The following CD8A variants were observed in gnomAD, a reference collection of about 807,000 sequenced individuals.
The protein encoded by CD8A is T-cell surface glycoprotein CD8 alpha chain.
In CD8A, 25 loss-of-function variants were observed where a neutral mutation model predicts 24.2. That is an observed-to-expected ratio of 1.03 (90% CI 0.75 to 1.44). The LOEUF is 1.44. CD8A is among the 40% of genes most tolerant of loss of function. The probability of loss-of-function intolerance (pLI) is 0.00; values close to 1 mark genes in which losing one functional copy is unlikely to be tolerated. For synonymous variants in CD8A, 165 were observed against 149.9 expected, an observed-to-expected ratio of 1.10 and a Z score of -0.74; for missense variants, 360 against 319.7, an observed-to-expected ratio of 1.13 and a Z score of -0.96.
chr2:86,798,084 T>C (rs912448602), intron 3 of CD8A, among the ~76,000 whole-genome samples: 2 of 152,230 alleles, frequency 1.3e-5, no homozygotes, highest in East Asian at 3.8e-4. Context: ...GAATTCACTC[T>C]TTTATCATTA....
chr2:86,792,125 C>T (rs1166835740), upstream of CD8A, among the ~76,000 whole-genome samples: 1 of 152,324 alleles, frequency 6.6e-6, no homozygotes, highest in Middle Eastern at 3.4e-3. Flanking sequence ...CCTCCCACCC[C>T]AGCCCCCTGA....
In CD8A at chr2:86,785,947, C is replaced by G; in HGVS notation, c.681G>C (p.Lys227Asn). 1.9e-6 allele frequency: 3 copies of G among 1,613,940 alleles called. No homozygotes were observed. Among genetic ancestry groups the G allele is most frequent in the Non-Finnish European group, 2.5e-6 (3 of 1,179,810 alleles). ...CPRPVVKSGD[K>N]PSLSARYV ...AGACGTATCTCGCCGAAAGGCTGGG[C>G]TTGTCTCCCGATTTGACCACAGGCC... Residue 227 changes from lysine (K) to asparagine (N), a missense_variant, in exon 6 of 6, where the codon AAG becomes AAC. Physicochemically the swap from Lys to Asn is moderately conservative, Grantham distance 94. Transcript: ENST00000283635.
intron 5 of CD8A, among the ~76,000 whole-genome samples, chr2:86,787,898 A>AGAGAGAGAGAGGGTGTGTGTGT (rs369993109): frequency 6.9e-6 from 1 of 144,490 alleles, no homozygotes; most frequent in African/African-American, 2.6e-5. Context: ...AGAGAGAGAG[A>AGAGAGAGAGAGGGTGTGTGTGT]GTGTGTGTGT....
rs1382171849 is a variant in CD8A, at chr2:86,789,621, G to A, written c.514+19C>T. On this transcript the variant is annotated intron_variant, in intron 3 of 5. Coordinates refer to ENST00000283635, the MANE Select transcript of CD8A (RefSeq NM_001768.7). ...CCGCGGTGCGTGCCGCCCCCGCCCC[G>A]GGCCCCCGCACGCCTCACCTGCGCC... 5 of 1,477,830 alleles carry A rather than the reference G, an allele frequency of 3.4e-6. No individual in the cohort carries two copies. The highest frequency in any genetic ancestry group is 4.5e-6 in the Non-Finnish European group (5 of 1,107,516). 91.5% of individuals were successfully genotyped at this position (1,477,830 alleles called of 1,614,324 possible). A position where few individuals can be genotyped will look rare whatever the true frequency, so the allele number is the denominator to read the frequency against.
At position 86,785,926 on chromosome 2, in the gene CD8A, G is replaced by GT; in HGVS notation, c.701dup (p.Tyr234Ter). The change falls in exon 6 of 6, where the codon TAC (tyrosine) becomes TAAC (stop). Residue 234 changes from tyrosine to a stop codon, truncating the protein, a stop_gained and frameshift_variant. Coordinates refer to ENST00000283635, the MANE Select transcript of CD8A (RefSeq NM_001768.7). LOFTEE classifies it high-confidence loss of function. ...SGDKPSLSAR[Y>*]V is the part of the protein sequence containing the mutation. The stretch of plus-strand genomic sequence containing the variant: ...TAGTGGCTGTTGCACAGGGTTAGAC[G>GT]TATCTCGCCGAAAGGCTGGGCTTGT... 6.2e-7 allele frequency: 1 copy of GT among 1,611,504 alleles called. No homozygotes were observed. Among genetic ancestry groups the GT allele is most frequent in the East Asian group, 2.2e-5 (1 of 44,898 alleles).
Position 86,784,930 on chromosome 2 carries a change from C to T in CD8A, c.*990G>A. 2.2e-6 allele frequency: 1 copy of T among 454,084 alleles called. No individual in the cohort carries two copies. Among genetic ancestry groups the T allele is most frequent in the South Asian group, 1.6e-5 (1 of 64,470 alleles). 28.1% of individuals were successfully genotyped at this position (454,084 alleles called of 1,614,324 possible). A position where few individuals can be genotyped will look rare whatever the true frequency, so the allele number is the denominator to read the frequency against. On this transcript the variant is annotated 3_prime_UTR_variant, in exon 6 of 6. Transcript: ENST00000283635. ...TTAAGAGAGTCAGGTCTGCCTCATC[C>T]CTGTATCTGCTAGTTGAGCAGAGGC...
At chr2:86,795,405 G>C (rs1673448365), upstream of CD8A, among the ~76,000 whole-genome samples, 1 of 152,168 alleles carries the variant, frequency 6.6e-6, no homozygotes, top group Non-Finnish European at 1.5e-5. Flanking sequence ...TGATATGTCT[G>C]ATCAAGATCA....
intron 3 of CD8A, among the ~76,000 whole-genome samples, chr2:86,796,758 C>T (rs1673497903): frequency 6.6e-6 from 1 of 152,136 alleles, no homozygotes; most frequent in Non-Finnish European, 1.5e-5. Context: ...ATCAGGCCTC[C>T]CAGATGGTAG....
intron 2 of CD8A, among the ~76,000 whole-genome samples, chr2:86,805,132 T>G (rs1249666268): frequency 6.6e-6 from 1 of 151,702 alleles, no homozygotes; most frequent in African/African-American, 2.4e-5. Context: ...AGTGAAGGAG[T>G]CCATAGTCTT....
chr2:86,789,594 C>T (rs771007253), intron 3 of CD8A, 46 bp downstream of exon 3: 4 of 1,407,452 alleles, frequency 2.8e-6, no homozygotes, highest in South Asian at 2.5e-5. Context: ...CATGGGCTCT[C>T]CCCGCGGTGC....
At chr2:86,796,667 CAT>C in intron 3 of CD8A, among the ~76,000 whole-genome samples, 1 of 152,322 alleles carries the variant, frequency 6.6e-6, no homozygotes, top group South Asian at 2.1e-4. Context: ...TTTGAATAAA[CAT>C]ATAAATTGAT....
intron 5 of CD8A, 45 bp downstream of exon 5, chr2:86,788,485 C>G: frequency 6.5e-7 from 1 of 1,542,808 alleles, no homozygotes; most frequent in Middle Eastern, 1.7e-4. Context: ...GGACCCCACC[C>G]CAGGGCTGGC....
At chr2:86,799,453 T>TGAGCCAAG in intron 3 of CD8A, among the ~76,000 whole-genome samples, 1 of 152,032 alleles carries the variant, frequency 6.6e-6, no homozygotes, top group African/African-American at 2.4e-5. Context: ...GAGTCCCCAG[T>TGAGCCAAG]ATCCAGGTAG....
At chr2:86,791,755 C>T (rs1673321084), upstream of CD8A, 1 of 422,148 alleles carries the variant, frequency 2.4e-6, no homozygotes, top group Non-Finnish European at 4.7e-6. Flanking sequence ...CCCTGCCTTT[C>T]CCATACACCT....
Position 86,799,484 on chromosome 2 carries a change from C to T in CD8A, c.-271+2027G>A, listed in dbSNP as rs113825035. Among the ~76,000 whole-genome samples the T allele has an allele frequency of 9.9e-3, 1,512 of 152,258 alleles. 7 individuals carry two copies. The highest frequency in any genetic ancestry group is 0.027 in the Middle Eastern group (8 of 294). On this transcript the variant is annotated intron_variant, in intron 3 of 8. Coordinates refer to the CD8A transcript ENST00000409511. ...GGTAGAGTCATCTGGGGGCCGGGCA[C>T]GGTGGCTCACGCTTGTAATCCCAGC...
At chr2:86,786,752 A>G (rs75682489) in intron 5 of CD8A, among the ~76,000 whole-genome samples, 66 of 152,250 alleles carry the variant, frequency 4.3e-4, no homozygotes, top group African/African-American at 8.4e-4. Flanking sequence ...CGGGTGCGGT[A>G]GCTCACGCCT....
chr2:86,787,097 T>G (rs1335895245), intron 5 of CD8A, among the ~76,000 whole-genome samples: 7 of 145,056 alleles, frequency 4.8e-5, no homozygotes, highest in Admixed American at 1.4e-4. Context: ...TTTTTTTTTT[T>G]TGTGAGATGG....
At chr2:86,806,609 G>A (rs1164976802) in intron 2 of CD8A, among the ~76,000 whole-genome samples, 2 of 152,222 alleles carry the variant, frequency 1.3e-5, no homozygotes, top group Non-Finnish European at 1.5e-5. Flanking sequence ...GGCGGGGCAC[G>A]TTGGCTCACG....
intron 2 of CD8A, among the ~76,000 whole-genome samples, chr2:86,805,224 AC>A (rs1300877116): frequency 6.6e-6 from 1 of 152,134 alleles, no homozygotes; most frequent in Non-Finnish European, 1.5e-5. Flanking sequence ...TTGTTGATGT[AC>A]TTTTGGGCTG....
Sources: gnomAD v4.1 joint callset for allele counts (sites outside exome capture counted in the v4.1 genomes callset) on GRCh38, gnomAD v4.1.1 for gene constraint, MANE v1.5 for transcripts, NCBI Gene and HGNC (gene_info 2026-07-23, HGNC 2026-07-21) for gene names.